Variants in CATSPER3 observed in about 807,000 individuals in gnomAD.
CATSPER3 encodes the protein cation channel sperm-associated protein 3.
In CATSPER3, 23 loss-of-function variants were observed where a neutral mutation model predicts 36.6. That is an observed-to-expected ratio of 0.63 (90% confidence interval 0.45 to 0.89). The LOEUF is 0.89. Ranked by LOEUF, CATSPER3 falls within the 40% of genes least tolerant of loss-of-function variation. The pLI is 0.00. For synonymous variants in CATSPER3, 172 were observed against 184.1 expected (o/e 0.93, Z 0.53); for missense variants, 474 against 503.9 (o/e 0.94, Z 0.57).
At chr5:134,986,968 A>G (rs1334125362) in intron 2 of CATSPER3, among the ~76,000 whole-genome samples, 1 of 152,220 alleles carries the variant, frequency 6.6e-6, no homozygotes, top group Non-Finnish European at 1.5e-5. Context: ...GGAACGAGAA[A>G]AAGAAGAGCA....
chr5:135,009,471 G>T lies in CATSPER3; in HGVS notation c.917G>T (p.Ser306Ile). The T allele has an allele frequency of 6.2e-7, 1 of 1,613,198 alleles. No homozygotes were observed. The highest frequency in any genetic ancestry group is 8.5e-7 in the Non-Finnish European group (1 of 1,179,590). ...CTGCAGCGGCAGCAGGAGGAGATCA[G>T]CAGGCTGATGCACATACAGGTGAGT... ...VILQRQQEEI[S>I]RLMHIQKNAD... Residue 306 changes from serine to isoleucine, a missense_variant, in exon 6 of 8, where the codon AGC (serine) becomes ATC (isoleucine). Physicochemically the swap from Ser to Ile is moderately radical, Grantham distance 142 (BLOSUM62 -2). Transcript: ENST00000282611.
chr5:134,999,410 A>G (rs1751992996), intron 3 of CATSPER3, among the ~76,000 whole-genome samples: 1 of 152,122 alleles, frequency 6.6e-6, no homozygotes, highest in Non-Finnish European at 1.5e-5. Flanking sequence ...TTGGTTCCAT[A>G]TGAACTTTAA....
Position 134,979,140 on chromosome 5 carries a change from ATTTG to A in CATSPER3, c.252+9059_252+9062del, listed in dbSNP as rs1449997224. Among the ~76,000 whole-genome samples, 11 of 151,176 alleles carry A rather than the reference ATTTG, an allele frequency of 7.3e-5. No homozygotes were observed. In the South Asian group the frequency reaches 1.9e-3, roughly 26 times the overall value. On this transcript the variant is annotated intron_variant, in intron 2 of 7. Coordinates refer to ENST00000282611, the MANE Select transcript of CATSPER3 (RefSeq NM_178019.3). ...GGTCCTTGGTTCCAGAGCAGACTTT[ATTTG>A]TTTGTTTGTTGAGATGGGGTCTTGC...
chr5:135,008,871 T>C lies in CATSPER3; in HGVS notation c.706T>C (p.Leu236=). The change falls in exon 5 of 8, where the codon TTG becomes CTG. Residue 236 remains leucine, a synonymous_variant. Coordinates refer to ENST00000282611, the MANE Select transcript of CATSPER3 (RefSeq NM_178019.3). Reference sequence around the variant, plus strand: ...TGGCTGGACAGACCTGCAGAAGCAGTTGGACAATCGGGAATTTGCTTTGAG... The same window carrying C: ...TGGCTGGACAGACCTGCAGAAGCAGCTGGACAATCGGGAATTTGCTTTGAG... ...VDGWTDLQKQ[L]DNREFALSRA... 1 of 1,614,108 alleles carries C rather than the reference T, an allele frequency of 6.2e-7. No homozygotes were observed. The highest frequency in any genetic ancestry group is 8.5e-7 in the Non-Finnish European group (1 of 1,180,016).
intron 2 of CATSPER3, among the ~76,000 whole-genome samples, chr5:134,987,682 C>T (rs1271138511): frequency 6.6e-6 from 1 of 151,944 alleles, no homozygotes; most frequent in Non-Finnish European, 1.5e-5. Context: ...ATGTAATACA[C>T]CAGTAGAGTG....
chr5:134,998,362 T>C (rs1456597421), intron 3 of CATSPER3, among the ~76,000 whole-genome samples: 3 of 152,246 alleles, frequency 2.0e-5, no homozygotes, highest in Non-Finnish European at 4.4e-5. Context: ...CTATTGTGAA[T>C]AGTGCCACAA....
intron 2 of CATSPER3, among the ~76,000 whole-genome samples, chr5:134,976,078 T>C (rs1424614614): frequency 2.6e-5 from 4 of 152,144 alleles, no homozygotes; most frequent in African/African-American, 9.7e-5. Flanking sequence ...AGTTGACTCA[T>C]AGAGGTAGTA....
intron 2 of CATSPER3, among the ~76,000 whole-genome samples, chr5:134,971,081 C>G (rs1751599951): frequency 6.6e-6 from 1 of 151,964 alleles, no homozygotes. Context: ...TCCCGAGTAG[C>G]TGGGATTACA....
At chr5:134,979,633 G>A (rs1442681227) in intron 2 of CATSPER3, among the ~76,000 whole-genome samples, 1 of 152,196 alleles carries the variant, frequency 6.6e-6, no homozygotes, top group African/African-American at 2.4e-5. Flanking sequence ...AGCAAACAAC[G>A]GACATACTGA....
chr5:134,971,389 C>T (rs1304386900), intron 2 of CATSPER3, among the ~76,000 whole-genome samples: 1 of 152,098 alleles, frequency 6.6e-6, no homozygotes, highest in Non-Finnish European at 1.5e-5. Flanking sequence ...CCACTGCACT[C>T]TGGCCTGGGC....
rs1752181328 is a variant in CATSPER3 at position 135,011,630 on chromosome 5, A to G, written c.*7A>G. ...AAAGGTGGATGAGAAGTAGCTGGGCATGGGGCACCCATGTGCCGAGAGCCT... is the reference window on the plus strand; with the variant it reads ...AAAGGTGGATGAGAAGTAGCTGGGCGTGGGGCACCCATGTGCCGAGAGCCT... On this transcript the variant is annotated 3_prime_UTR_variant, in exon 8 of 8. Transcript: ENST00000282611. 4 of 1,600,476 alleles carry G rather than the reference A, an allele frequency of 2.5e-6. No homozygotes were observed. The highest frequency in any genetic ancestry group is 1.6e-4 in the Middle Eastern group (1 of 6,062).
chr5:134,975,834 G>A (rs1031111971), intron 2 of CATSPER3, among the ~76,000 whole-genome samples: 1 of 152,174 alleles, frequency 6.6e-6, no homozygotes, highest in African/African-American at 2.4e-5. Context: ...CATGTTTATT[G>A]TAACACTGTT....
At chr5:134,971,168 C>G (rs567898776) in intron 2 of CATSPER3, among the ~76,000 whole-genome samples, 1 of 152,080 alleles carries the variant, frequency 6.6e-6, no homozygotes, top group Non-Finnish European at 1.5e-5. Context: ...CCAGGATGGT[C>G]TCAATCTCCT....
chr5:134,990,161 A>AG (rs1751860657), intron 2 of CATSPER3, among the ~76,000 whole-genome samples: 3 of 152,244 alleles, frequency 2.0e-5, no homozygotes, highest in Admixed American at 6.5e-5. Flanking sequence ...AAATTTAGAA[A>AG]GTTTATTTTG....
chr5:134,974,504 T>A (rs1751645032), intron 2 of CATSPER3, among the ~76,000 whole-genome samples: 1 of 152,186 alleles, frequency 6.6e-6, no homozygotes, highest in African/African-American at 2.4e-5. Flanking sequence ...ATGGCAGAGT[T>A]CTATTTCTTG....
At chr5:135,001,248 G>T (rs1752016000) in intron 3 of CATSPER3, among the ~76,000 whole-genome samples, 1 of 152,184 alleles carries the variant, frequency 6.6e-6, no homozygotes, top group Admixed American at 6.5e-5. Flanking sequence ...TAGTTGAGCG[G>T]TTTTGAGTGA....
intron 2 of CATSPER3, among the ~76,000 whole-genome samples, chr5:134,990,338 A>G (rs1751862490): frequency 6.6e-6 from 1 of 152,166 alleles, no homozygotes. Context: ...GGGACAGCTC[A>G]AGCAGGGAGG....
intron 2 of CATSPER3, among the ~76,000 whole-genome samples, chr5:134,974,139 C>G (rs766261315): frequency 1.2e-4 from 19 of 152,132 alleles, no homozygotes; most frequent in Admixed American, 1.3e-4. Flanking sequence ...AACAGCACCT[C>G]TAATCTTGCC....
chr5:134,972,343 G>A (rs1751618223), intron 2 of CATSPER3, among the ~76,000 whole-genome samples: 1 of 152,144 alleles, frequency 6.6e-6, no homozygotes, highest in Non-Finnish European at 1.5e-5. Context: ...CGTAGATAAT[G>A]AAAGCCCACC....
Sources: allele counts gnomAD v4.1 joint callset (sites outside exome capture counted in the v4.1 genomes callset), GRCh38; gene constraint gnomAD v4.1.1; transcripts MANE v1.5; gene names NCBI Gene and HGNC (gene_info 2026-07-23, HGNC 2026-07-21).